The following DNAJC1 variants were observed in gnomAD, a reference collection of about 807,000 sequenced individuals.
DNAJC1 encodes dnaJ homolog subfamily C member 1.
Under a neutral mutation model 76.6 loss-of-function variants are expected in DNAJC1, and 58 were observed. That is an observed-to-expected ratio of 0.76 (90% CI 0.61 to 0.94). The LOEUF (loss-of-function observed/expected upper bound fraction) is 0.94. DNAJC1 is among the 40% of genes least tolerant of loss of function. DNAJC1 has a pLI of 0.00. For synonymous variants in DNAJC1, 258 were observed against 267.9 expected (o/e 0.96, Z 0.36); for missense variants, 689 against 677.3 (o/e 1.02, Z -0.19).
intron 8 of DNAJC1, among the ~76,000 whole-genome samples, chr10:21,868,584 G>A (rs748437362): frequency 1.1e-4 from 16 of 152,056 alleles, no homozygotes; most frequent in Admixed American, 3.9e-4. Flanking sequence ...GTCACATACT[G>A]AATGATTCCA....
At chr10:21,928,439 T>G in intron 3 of DNAJC1, 67 bp downstream of exon 3, 3 of 1,361,714 alleles carry the variant, frequency 2.2e-6, no homozygotes, top group Admixed American at 3.9e-5. Flanking sequence ...TTAAGAAGAC[T>G]TAATTCTTTA....
At chr10:21,989,579 G>T (rs1287419473) in intron 1 of DNAJC1, among the ~76,000 whole-genome samples, 1 of 152,084 alleles carries the variant, frequency 6.6e-6, no homozygotes, top group Non-Finnish European at 1.5e-5. Context: ...TGAAATCAGG[G>T]GATGCAGTGG....
chr10:22,002,476 G>A (rs531796804), intron 1 of DNAJC1, among the ~76,000 whole-genome samples: 2 of 151,998 alleles, frequency 1.3e-5, no homozygotes, highest in Admixed American at 6.5e-5. Context: ...AAAAGGAAAA[G>A]GGGAAAAAAA....
intron 3 of DNAJC1, among the ~76,000 whole-genome samples, chr10:21,927,403 G>C (rs1242028822): frequency 6.6e-6 from 1 of 152,212 alleles, no homozygotes; most frequent in Non-Finnish European, 1.5e-5. Flanking sequence ...TTATAGGGTT[G>C]TCTGGAGATG....
At chr10:21,784,071 C>T (rs555880259) in intron 9 of DNAJC1, among the ~76,000 whole-genome samples, 2 of 152,238 alleles carry the variant, frequency 1.3e-5, no homozygotes, top group Non-Finnish European at 2.9e-5. Context: ...ATAAGCTAAA[C>T]AGCTTCTGCA....
intron 8 of DNAJC1, among the ~76,000 whole-genome samples, chr10:21,829,173 G>T (rs1179222352): frequency 6.6e-6 from 1 of 151,922 alleles, no homozygotes; most frequent in Non-Finnish European, 1.5e-5. Context: ...TGGAACTACA[G>T]GAATGAGTCA....
chr10:22,003,387 C>A lies in DNAJC1; in HGVS notation c.48G>T (p.Gln16His). The change falls in exon 1 of 12, where the codon CAG becomes CAT. Residue 16 changes from glutamine (Q) to histidine (H), a missense_variant. By Grantham distance (24) the Gln-to-His change is conservative. Coordinates refer to ENST00000376980, the MANE Select transcript of DNAJC1 (RefSeq NM_022365.4). ...SQPAQLPGRRQLGLVPFPPPP... is the reference protein window; with the variant it reads ...SQPAQLPGRRHLGLVPFPPPP... ...GCGGCGGGAACGGCACCAGCCCGAG[C>A]TGGCGGCGTCCAGGAAGCTGCGCCG... 2.9e-6 allele frequency: 4 copies of A among 1,382,558 alleles called. No individual in the cohort carries two copies. The highest frequency in any genetic ancestry group is 3.7e-6 in the Non-Finnish European group (4 of 1,070,496). The allele number at this position is 1,382,558 out of a possible 1,614,324, so 85.6% of individuals were successfully genotyped here.
chr10:21,837,871 T>A (rs1299821220), intron 8 of DNAJC1, among the ~76,000 whole-genome samples: 2 of 133,808 alleles, frequency 1.5e-5, no homozygotes, highest in African/African-American at 2.9e-5. Context: ...GGGAGGGAGG[T>A]GGGGGGCAGC....
At chr10:21,794,068 A>G (rs1267788277) in intron 9 of DNAJC1, among the ~76,000 whole-genome samples, 1 of 152,194 alleles carries the variant, frequency 6.6e-6, no homozygotes, top group Non-Finnish European at 1.5e-5. Flanking sequence ...TGAGGTCAGG[A>G]GTTTGAGACC....
intron 8 of DNAJC1, among the ~76,000 whole-genome samples, chr10:21,813,131 GCT>G (rs1373095398): frequency 1.5e-5 from 1 of 66,362 alleles, no homozygotes; most frequent in African/African-American, 6.1e-5. Context: ...CTTCTGCCTT[GCT>G]CTTTCTTGGG....
intron 1 of DNAJC1, among the ~76,000 whole-genome samples, chr10:21,952,902 A>G (rs970256373): frequency 2.0e-5 from 3 of 152,156 alleles, no homozygotes; most frequent in African/African-American, 7.2e-5. Flanking sequence ...TTCTTTTTTT[A>G]AATTCACCAT....
chr10:21,970,564 C>T (rs1403580594), intron 1 of DNAJC1, among the ~76,000 whole-genome samples: 1 of 151,926 alleles, frequency 6.6e-6, no homozygotes, highest in Non-Finnish European at 1.5e-5. Flanking sequence ...ATATTTGTTA[C>T]TGTCCTTCTA....
In DNAJC1 at chr10:21,948,411, T is replaced by A. The variant is rs1010799067; in HGVS notation, c.223-19270A>T. Among the ~76,000 whole-genome samples, 6 of 152,302 alleles carry A rather than the reference T, an allele frequency of 3.9e-5. No homozygotes were observed. The South Asian group carries it at 1.2e-3, about 32-fold the overall frequency. On this transcript the variant is annotated intron_variant, in intron 1 of 11. Coordinates refer to ENST00000376980, the MANE Select transcript of DNAJC1 (RefSeq NM_022365.4). Reference sequence around the variant, plus strand: ...GAATCTAAGAAGTACTTAGATATAATATCACAAAAATCTTCAAGTCAGTAT... The same window carrying A: ...GAATCTAAGAAGTACTTAGATATAAAATCACAAAAATCTTCAAGTCAGTAT...
chr10:21,796,521 A>ACTGTTTT (rs1834752057), intron 9 of DNAJC1, among the ~76,000 whole-genome samples: 1 of 152,166 alleles, frequency 6.6e-6, no homozygotes, highest in Non-Finnish European at 1.5e-5. Context: ...GAATCTTCAT[A>ACTGTTTT]CTGTTTTCTG....
chr10:21,991,500 A>G (rs6650129), intron 1 of DNAJC1, among the ~76,000 whole-genome samples: 105,106 of 152,006 alleles, frequency 0.69, 36,671 homozygotes, highest in East Asian at 0.96. Context: ...GTAACTAGGA[A>G]TATGATAGCT....
At chr10:21,921,102 AATATCG>A (rs1156625456) in intron 3 of DNAJC1, 139 bp from the exon 4 acceptor site, 7 of 750,350 alleles carry the variant, frequency 9.3e-6, no homozygotes, top group African/African-American at 1.8e-5. Flanking sequence ...CCAGCATTAT[AATATCG>A]AGTAAATTCA....
chr10:21,912,653 A>G (rs1324652441), intron 6 of DNAJC1, among the ~76,000 whole-genome samples: 1 of 152,126 alleles, frequency 6.6e-6, no homozygotes, highest in Non-Finnish European at 1.5e-5. Context: ...AAAGTTTTAG[A>G]GTATTAAAAG....
At chr10:21,966,839 C>T (rs1340104057) in intron 1 of DNAJC1, among the ~76,000 whole-genome samples, 1 of 151,754 alleles carries the variant, frequency 6.6e-6, no homozygotes, top group Non-Finnish European at 1.5e-5. Flanking sequence ...GCACGTGCCA[C>T]CACACCCAGC....
Position 21,999,451 on chromosome 10 carries a change from C to CTTTT in DNAJC1, c.222+3758_222+3761dup, listed in dbSNP as rs140026558. On this transcript the variant is annotated intron_variant, in intron 1 of 11. Coordinates refer to ENST00000376980, the MANE Select transcript of DNAJC1 (RefSeq NM_022365.4). Reference sequence around the variant, plus strand: ...TTGATTCCCCTCCATCTTCTTGACTCTTTTTTTTTTTTTTTTTTTTTTGAG... The same window carrying CTTTT: ...TTGATTCCCCTCCATCTTCTTGACTCTTTTTTTTTTTTTTTTTTTTTTTTTTGAG... Among the ~76,000 whole-genome samples, 446 of 93,998 alleles carry CTTTT rather than the reference C, an allele frequency of 4.7e-3. 4 individuals carry two copies. The highest frequency in any genetic ancestry group is 5.7e-3 in the Non-Finnish European group (294 of 51,766). The allele number at this position is 93,998 out of a possible 152,430, so 61.7% of individuals were successfully genotyped here.
Sources: allele counts gnomAD v4.1 joint callset (sites outside exome capture counted in the v4.1 genomes callset), GRCh38; gene constraint gnomAD v4.1.1; transcripts MANE v1.5; gene names NCBI Gene and HGNC (gene_info 2026-07-23, HGNC 2026-07-21).